Variants in SNX10 observed in about 807,000 individuals in gnomAD.
The protein encoded by SNX10 is sorting nexin 10, also known as sorting nexin-10.
Under a neutral mutation model 28.5 loss-of-function variants are expected in SNX10, and 25 were observed. The ratio of observed to expected loss-of-function variants is 0.88; its 90% CI spans 0.64 to 1.22. SNX10 has a LOEUF of 1.22. Among genes scored for constraint, SNX10 ranks in the 50% most tolerant of loss-of-function variants. SNX10 has a pLI of 0.00. For synonymous variants in SNX10, 62 were observed against 81.4 expected (o/e 0.76, Z 1.28); for missense variants, 223 against 242.6 (o/e 0.92, Z 0.54).
chr7:26,371,462 G>C (rs1789530257), intron 5 of SNX10, among the ~76,000 whole-genome samples: 1 of 152,124 alleles, frequency 6.6e-6, no homozygotes, highest in South Asian at 2.1e-4. Context: ...TTGACATGCT[G>C]TTGGCAGTAA....
At chr7:26,360,188 C>T (rs1485237899) in intron 2 of SNX10, among the ~76,000 whole-genome samples, 1 of 152,174 alleles carries the variant, frequency 6.6e-6, no homozygotes, top group African/African-American at 2.4e-5. Flanking sequence ...TCTCATGTGG[C>T]TGGGATGCAT....
At chr7:26,302,956 C>CAAAAAA in intron 1 of SNX10, among the ~76,000 whole-genome samples, 1 of 151,964 alleles carries the variant, frequency 6.6e-6, no homozygotes. Flanking sequence ...AAAACAAAAA[C>CAAAAAA]AAAAACAAAA....
intron 2 of SNX10, among the ~76,000 whole-genome samples, chr7:26,359,184 A>G (rs1252552952): frequency 6.6e-6 from 1 of 152,192 alleles, no homozygotes; most frequent in Non-Finnish European, 1.5e-5. Flanking sequence ...ACAGTAATTC[A>G]TAATCCCTGT....
intron 1 of SNX10, among the ~76,000 whole-genome samples, chr7:26,318,819 G>T (rs547107175): frequency 6.6e-6 from 1 of 151,782 alleles, no homozygotes; most frequent in East Asian, 1.9e-4. Context: ...TACTTCCTAA[G>T]TGCTTTAAGT....
intron 1 of SNX10, among the ~76,000 whole-genome samples, chr7:26,328,585 G>A (rs1415631103): frequency 6.6e-6 from 1 of 152,148 alleles, no homozygotes; most frequent in South Asian, 2.1e-4. Flanking sequence ...CTGGGGAAGT[G>A]CCCTGATTAA....
intron 1 of SNX10, among the ~76,000 whole-genome samples, chr7:26,294,725 C>G (rs1302194181): frequency 6.6e-6 from 1 of 152,194 alleles, no homozygotes; most frequent in Admixed American, 6.5e-5. Flanking sequence ...TTATCTAGGG[C>G]TTACTGTGTG....
intron 1 of SNX10, among the ~76,000 whole-genome samples, chr7:26,327,726 CTTTTTTT>C (rs70943293): frequency 1.5e-4 from 13 of 89,104 alleles, no homozygotes; most frequent in African/African-American, 5.6e-4. Flanking sequence ...GCATTCTTTT[CTTTTTTT>C]TTTTTTTTTT....
At chr7:26,320,479 T>C (rs1246195842) in intron 1 of SNX10, among the ~76,000 whole-genome samples, 1 of 151,884 alleles carries the variant, frequency 6.6e-6, no homozygotes, top group African/African-American at 2.4e-5. Context: ...TTGCCCGGGC[T>C]GGAGTGCAGT....
At chr7:26,368,955 A>G (rs1789400185) in intron 5 of SNX10, among the ~76,000 whole-genome samples, 1 of 152,172 alleles carries the variant, frequency 6.6e-6, no homozygotes, top group South Asian at 2.1e-4. Context: ...ATAGCTATAT[A>G]TTCTCAGCTA....
rs565228414 is a variant in SNX10 at position 26,362,442 on chromosome 7, A to G, written c.111+1381A>G. On this transcript the variant is annotated intron_variant, in intron 3 of 6. Coordinates refer to ENST00000338523, the MANE Select transcript of SNX10 (RefSeq NM_013322.3). ...TAAATAGCCTGATGTAAATTCAGAA[A>G]TCTCCATCTGGAGCCAGAAATGATG... is the stretch of plus-strand genomic sequence containing the variant. Among the ~76,000 whole-genome samples the G allele has an allele frequency of 3.3e-5, 5 of 152,360 alleles. No homozygotes were observed. In the East Asian group the frequency reaches 5.8e-4, roughly 18 times the overall value.
intron 2 of SNX10, chr7:26,357,065 A>G: frequency 8.1e-7 from 1 of 1,229,164 alleles, no homozygotes; most frequent in Non-Finnish European, 1.1e-6. Flanking sequence ...GAGGCATTCA[A>G]GTCTTACAAG....
intron 1 of SNX10, among the ~76,000 whole-genome samples, chr7:26,305,386 T>G (rs1435062274): frequency 6.6e-6 from 1 of 152,240 alleles, no homozygotes; most frequent in Admixed American, 6.5e-5. Context: ...AAGAGTTTTC[T>G]ATCACACTGT....
chr7:26,334,423 G>A (rs957050801), intron 1 of SNX10, among the ~76,000 whole-genome samples: 1 of 152,154 alleles, frequency 6.6e-6, no homozygotes, highest in African/African-American at 2.4e-5. Flanking sequence ...TTTAGTAACT[G>A]GGTTGCTTCT....
chr7:26,336,010 C>A (rs914396839), intron 1 of SNX10, among the ~76,000 whole-genome samples: 1 of 152,010 alleles, frequency 6.6e-6, no homozygotes, highest in African/African-American at 2.4e-5. Context: ...GGATTACAGG[C>A]GTGAGCCACC....
chr7:26,323,503 G>C (rs961819043), intron 1 of SNX10, among the ~76,000 whole-genome samples: 2 of 152,120 alleles, frequency 1.3e-5, no homozygotes, highest in African/African-American at 4.8e-5. Flanking sequence ...GAGAGAAGAC[G>C]AGGCAGCGGA....
chr7:26,351,899 G>T (rs68058303), intron 2 of SNX10, among the ~76,000 whole-genome samples: 6,568 of 151,800 alleles, frequency 0.043, 175 homozygotes, highest in East Asian at 0.12. Flanking sequence ...CTCGTGATCC[G>T]CCCGCCTCGG....
chr7:26,319,986 A>T (rs542128408), intron 1 of SNX10, among the ~76,000 whole-genome samples: 45 of 151,616 alleles, frequency 3.0e-4, no homozygotes, highest in South Asian at 8.3e-4. Context: ...TTAATTAATT[A>T]ATTTATTTAT....
At chr7:26,343,196 G>A (rs1230004561) in intron 1 of SNX10, among the ~76,000 whole-genome samples, 2 of 152,140 alleles carry the variant, frequency 1.3e-5, no homozygotes, top group East Asian at 3.9e-4. Context: ...TGCCTGGCTG[G>A]GAAAAGCTCA....
chr7:26,342,049 G>A (rs1207420347), intron 1 of SNX10, among the ~76,000 whole-genome samples: 1 of 78,716 alleles, frequency 1.3e-5, no homozygotes, highest in Admixed American at 1.7e-4. Context: ...TTTTTTAGAT[G>A]CAGTCTTGCT....
Sources: gnomAD v4.1 joint callset for allele counts (sites outside exome capture counted in the v4.1 genomes callset) on GRCh38, gnomAD v4.1.1 for gene constraint, MANE v1.5 for transcripts, NCBI Gene and HGNC (gene_info 2026-07-23, HGNC 2026-07-21) for gene names.